MGAT4C: variants seen among roughly 807,000 people sequenced by gnomAD.
MGAT4C encodes alpha-1,3-mannosyl-glycoprotein 4-beta-N-acetylglucosaminyltransferase C.
Under a neutral mutation model 40.1 loss-of-function variants are expected in MGAT4C, and 19 were observed. The observed-to-expected ratio is 0.47, with a 90% CI of 0.33 to 0.70. The LOEUF (loss-of-function observed/expected upper bound fraction) is 0.70, where lower values mean the gene tolerates loss of function less well. Among genes scored for constraint, MGAT4C ranks in the 30% least tolerant of loss-of-function variants. The pLI is 0.02. For missense variants in MGAT4C, 491 were observed against 563.2 expected (o/e 0.87, Z 1.30); for synonymous variants, 181 against 187.1 (o/e 0.97, Z 0.27).
At chr12:86,507,902 T>C (rs897104217) in intron 2 of MGAT4C, among the ~76,000 whole-genome samples, 1 of 152,132 alleles carries the variant, frequency 6.6e-6, no homozygotes, top group Non-Finnish European at 1.5e-5. Context: ...TTCTTTGTGG[T>C]TCCATACAAA....
intron 2 of MGAT4C, among the ~76,000 whole-genome samples, chr12:86,538,635 T>A (rs1413121462): frequency 7.0e-6 from 1 of 141,878 alleles, no homozygotes; most frequent in African/African-American, 2.6e-5. Context: ...GAGACAAGAG[T>A]CTTGCTCTGT....
intron 2 of MGAT4C, among the ~76,000 whole-genome samples, chr12:86,035,796 G>T (rs572214286): frequency 1.3e-5 from 2 of 149,746 alleles, no homozygotes; most frequent in African/African-American, 4.9e-5. Context: ...TGTGCATATG[G>T]CTAGCCAGTT....
At chr12:86,095,848 C>T (rs1042959844) in intron 1 of MGAT4C, among the ~76,000 whole-genome samples, 1 of 151,686 alleles carries the variant, frequency 6.6e-6, no homozygotes, top group African/African-American at 2.4e-5. Context: ...ACAATCATTC[C>T]ATTTTATATT....
intron 2 of MGAT4C, among the ~76,000 whole-genome samples, chr12:86,510,686 C>A (rs1400027666): frequency 6.6e-6 from 1 of 152,024 alleles, no homozygotes; most frequent in South Asian, 2.1e-4. Flanking sequence ...GCAGGGGTTG[C>A]AATCCTAGTC....
intron 1 of MGAT4C, among the ~76,000 whole-genome samples, chr12:86,240,544 T>G (rs905456096): frequency 2.6e-5 from 4 of 152,184 alleles, no homozygotes; most frequent in Admixed American, 1.3e-4. Flanking sequence ...TTAAAAAAAA[T>G]GAGGAACATT....
intron 4 of MGAT4C, among the ~76,000 whole-genome samples, chr12:86,325,441 G>C (rs183002597): frequency 6.6e-6 from 1 of 152,196 alleles, no homozygotes; most frequent in Non-Finnish European, 1.5e-5. Flanking sequence ...TATAATATTG[G>C]CACATTTCTA....
intron 2 of MGAT4C, among the ~76,000 whole-genome samples, chr12:86,007,457 G>A (rs1888004407): frequency 1.3e-5 from 2 of 152,002 alleles, no homozygotes; most frequent in African/African-American, 2.4e-5. Context: ...ATCTGGTAGT[G>A]TATCATAAGA....
intron 2 of MGAT4C, among the ~76,000 whole-genome samples, chr12:86,585,624 C>T (rs964589001): frequency 6.6e-6 from 1 of 151,276 alleles, no homozygotes; most frequent in South Asian, 2.1e-4. Flanking sequence ...GCTTCTGAAA[C>T]CTTTGCTGTC....
At chr12:86,768,670 A>T (rs909037569) in intron 1 of MGAT4C, among the ~76,000 whole-genome samples, 4 of 152,086 alleles carry the variant, frequency 2.6e-5, no homozygotes, top group African/African-American at 9.7e-5. Flanking sequence ...CAAAACAGAG[A>T]TATAGATCAA....
chr12:86,479,672 G>A (rs1957901582), intron 2 of MGAT4C, among the ~76,000 whole-genome samples: 2 of 151,884 alleles, frequency 1.3e-5, no homozygotes, highest in South Asian at 2.1e-4. Context: ...TATAACAACT[G>A]TCAGCAATCT....
At chr12:86,785,341 C>T (rs952606821) in intron 1 of MGAT4C, among the ~76,000 whole-genome samples, 13 of 151,906 alleles carry the variant, frequency 8.6e-5, no homozygotes, top group Non-Finnish European at 4.4e-5. Context: ...ACAAATGTTT[C>T]AGTATTTCAA....
chr12:86,290,131 C>T (rs1370796451), intron 4 of MGAT4C, among the ~76,000 whole-genome samples: 1 of 152,068 alleles, frequency 6.6e-6, no homozygotes, highest in Non-Finnish European at 1.5e-5. Context: ...ACGGCAACCT[C>T]TGCCTCCCAG....
intron 2 of MGAT4C, among the ~76,000 whole-genome samples, chr12:86,563,836 G>A (rs1406035439): frequency 6.6e-6 from 1 of 152,084 alleles, no homozygotes; most frequent in Non-Finnish European, 1.5e-5. Flanking sequence ...GACTTACAGT[G>A]GGTCCAGTGT....
At chr12:86,431,991 T>C (rs535111855) in intron 3 of MGAT4C, among the ~76,000 whole-genome samples, 11 of 152,160 alleles carry the variant, frequency 7.2e-5, no homozygotes, top group Non-Finnish European at 1.6e-4. Flanking sequence ...AGGTCAACTA[T>C]TGTGTCCTGA....
chr12:86,782,171 ATTTT>A (rs57791582), intron 1 of MGAT4C, among the ~76,000 whole-genome samples: 7 of 40,274 alleles, frequency 1.7e-4, no homozygotes, highest in African/African-American at 2.6e-4. Flanking sequence ...TGTTTTTTGT[ATTTT>A]TTTTTTTTTT....
At chr12:86,384,317 C>T (rs1423260876) in intron 3 of MGAT4C, among the ~76,000 whole-genome samples, 1 of 152,168 alleles carries the variant, frequency 6.6e-6, no homozygotes, top group Non-Finnish European at 1.5e-5. Context: ...TAAGATGAGA[C>T]AACTATCCTG....
intron 1 of MGAT4C, among the ~76,000 whole-genome samples, chr12:86,134,001 A>T (rs1483517818): frequency 6.6e-6 from 1 of 152,084 alleles, no homozygotes. Flanking sequence ...AATACTAAAA[A>T]GTTCAAATGC....
chr12:85,971,295 A>T lies in MGAT4C; in HGVS notation c.*7994T>A. ...GTTATTTGGTGGTACGCTGAGTGAA[A>T]ATATGTAGCTTTATCTACATTACCT... On this transcript the variant is annotated 3_prime_UTR_variant, in exon 5 of 5. Transcript: ENST00000611864. 6.6e-6 allele frequency: 1 copy of T among 151,316 alleles called. No individual in the cohort carries two copies. Among genetic ancestry groups the T allele is most frequent in the East Asian group, 1.9e-4 (1 of 5,184 alleles). 9.4% of individuals were successfully genotyped at this position (151,316 alleles called of 1,614,324 possible). A position where few individuals can be genotyped will look rare whatever the true frequency, so the allele number is the denominator to read the frequency against.
chr12:86,022,038 G>T (rs1277223316), intron 2 of MGAT4C, among the ~76,000 whole-genome samples: 1 of 152,076 alleles, frequency 6.6e-6, no homozygotes, highest in Non-Finnish European at 1.5e-5. Flanking sequence ...TCTTAAGCTT[G>T]TTATTAAATT....
Sources: gnomAD v4.1 joint callset for allele counts (sites outside exome capture counted in the v4.1 genomes callset) on GRCh38, gnomAD v4.1.1 for gene constraint, MANE v1.5 for transcripts, NCBI Gene and HGNC (gene_info 2026-07-23, HGNC 2026-07-21) for gene names.